The following HSD17B12 variants were observed in gnomAD, a reference collection of about 807,000 sequenced individuals.
HSD17B12 encodes hydroxysteroid 17-beta dehydrogenase 12.
In HSD17B12, 32 loss-of-function variants were observed where a neutral mutation model predicts 39.3. That is an observed-to-expected ratio of 0.81 (90% CI 0.61 to 1.09). The LOEUF (loss-of-function observed/expected upper bound fraction) is 1.09, where lower values mean the gene tolerates loss of function less well. Among genes scored for constraint, HSD17B12 ranks in the 50% least tolerant of loss-of-function variants. HSD17B12 has a pLI of 0.00. For synonymous variants in HSD17B12, 150 were observed against 146.7 expected, an observed-to-expected ratio of 1.02 and a Z score of -0.16; for missense variants, 342 against 382.9, an observed-to-expected ratio of 0.89 and a Z score of 0.89.
At chr11:43,665,773 GCACA>G in the HSD17B12 span, among the ~76,000 whole-genome samples, 3 of 150,218 alleles carry the variant, frequency 2.0e-5, no homozygotes, top group Admixed American at 6.6e-5. Context: ...ACACGCGCAT[GCACA>G]CACACACACA....
the HSD17B12 span, among the ~76,000 whole-genome samples, chr11:43,581,780 G>T: frequency 6.6e-6 from 1 of 152,166 alleles, no homozygotes; most frequent in Non-Finnish European, 1.5e-5. This position sits in a 1 kb window ranked among gnomAD's most constrained non-coding sequence, Gnocchi z 4.9. Flanking sequence ...CAGAAGTTGT[G>T]TCTTCCCCCC....
At chr11:43,604,890 A>G in the HSD17B12 span, among the ~76,000 whole-genome samples, 1 of 152,252 alleles carries the variant, frequency 6.6e-6, no homozygotes, top group Non-Finnish European at 1.5e-5. Flanking sequence ...AAGTCAAGTT[A>G]CAACTGCCCT....
At chr11:43,557,858 T>G in the HSD17B12 span, among the ~76,000 whole-genome samples, 1 of 151,484 alleles carries the variant, frequency 6.6e-6, no homozygotes, top group African/African-American at 2.4e-5. Flanking sequence ...GAGGGGCTGG[T>G]GCTGTAACGG....
the HSD17B12 span, among the ~76,000 whole-genome samples, chr11:43,611,830 A>G: frequency 6.6e-6 from 1 of 152,168 alleles, no homozygotes; most frequent in South Asian, 2.1e-4. Flanking sequence ...GCAAATTTTC[A>G]CCATTTCAGA....
At chr11:43,767,610 T>C (rs1950606870) in intron 3 of HSD17B12, among the ~76,000 whole-genome samples, 1 of 152,214 alleles carries the variant, frequency 6.6e-6, no homozygotes, top group Admixed American at 6.5e-5. Context: ...TTAAAATAAC[T>C]ACAAACCAAT....
intron 3 of HSD17B12, among the ~76,000 whole-genome samples, chr11:43,797,170 A>T (rs942887074): frequency 1.3e-5 from 2 of 152,342 alleles, no homozygotes; most frequent in South Asian, 2.1e-4. Context: ...TTAGACAGAA[A>T]TCCTTTTAGG....
chr11:43,601,882 T>G, the HSD17B12 span, among the ~76,000 whole-genome samples: 1 of 152,242 alleles, frequency 6.6e-6, no homozygotes, highest in Non-Finnish European at 1.5e-5. Flanking sequence ...TTGGCTTGAC[T>G]TATCACCAGA....
chr11:43,677,568 T>C (rs962951381), upstream of HSD17B12, among the ~76,000 whole-genome samples: 3 of 152,196 alleles, frequency 2.0e-5, no homozygotes, highest in African/African-American at 7.2e-5. Flanking sequence ...ATTAGGTTTA[T>C]CTCCTAATGC....
intron 4 of HSD17B12, among the ~76,000 whole-genome samples, chr11:43,809,752 G>A (rs1329742481): frequency 6.6e-6 from 1 of 152,080 alleles, no homozygotes; most frequent in South Asian, 2.1e-4. Flanking sequence ...CCCAGGAGAC[G>A]GATTGCAGTG....
At chr11:43,763,505 GA>G (rs1215124689) in intron 3 of HSD17B12, among the ~76,000 whole-genome samples, 1 of 151,412 alleles carries the variant, frequency 6.6e-6, no homozygotes, top group Non-Finnish European at 1.5e-5. Context: ...TATTCTCAAA[GA>G]TCAATTTTCT....
chr11:43,754,435 G>T (rs144026596), intron 3 of HSD17B12, among the ~76,000 whole-genome samples: 2 of 152,150 alleles, frequency 1.3e-5, no homozygotes, highest in South Asian at 2.1e-4. Flanking sequence ...AATTAGCCGG[G>T]TATGGTGGCG....
intron 1 of HSD17B12, among the ~76,000 whole-genome samples, chr11:43,746,936 G>C (rs1347643431): frequency 6.6e-6 from 1 of 152,194 alleles, no homozygotes; most frequent in Non-Finnish European, 1.5e-5. Flanking sequence ...GCTGCTGACT[G>C]TATGTGGTTT....
chr11:43,614,437 C>G, the HSD17B12 span, among the ~76,000 whole-genome samples: 2 of 152,108 alleles, frequency 1.3e-5, no homozygotes, highest in Non-Finnish European at 2.9e-5. Flanking sequence ...CTTTTCTTCC[C>G]CCCATAGCAC....
intron 1 of HSD17B12, among the ~76,000 whole-genome samples, chr11:43,743,803 T>C (rs1186722054): frequency 6.6e-6 from 1 of 152,176 alleles, no homozygotes; most frequent in Non-Finnish European, 1.5e-5. Context: ...CTCTAATCGA[T>C]ATTTTAATGC....
At chr11:43,751,608 T>G (rs1047194382) in intron 2 of HSD17B12, among the ~76,000 whole-genome samples, 1 of 152,218 alleles carries the variant, frequency 6.6e-6, no homozygotes, top group Non-Finnish European at 1.5e-5. Context: ...CTATTTATCA[T>G]TCTCAAAAGG....
At chr11:43,687,436 A>G (rs10734516) in intron 1 of HSD17B12, among the ~76,000 whole-genome samples, 143,520 of 152,284 alleles carry the variant, frequency 0.94, 68,214 homozygotes, top group Middle Eastern at 1. Context: ...GAGAACAGGA[A>G]GTATTTGGTC....
At chr11:43,677,482 T>A (rs1157571455), upstream of HSD17B12, among the ~76,000 whole-genome samples, 3 of 152,182 alleles carry the variant, frequency 2.0e-5, no homozygotes, top group Non-Finnish European at 4.4e-5. Context: ...AGGGTACATG[T>A]CCACAATGTG....
At chr11:43,714,981 T>C (rs1306299349) in intron 1 of HSD17B12, among the ~76,000 whole-genome samples, 1 of 152,214 alleles carries the variant, frequency 6.6e-6, no homozygotes, top group Non-Finnish European at 1.5e-5. Flanking sequence ...TTTTGTATCC[T>C]GAGACTTTGC....
Position 43,680,848 on chromosome 11 carries a change from C to T in HSD17B12, c.21C>T (p.Ala7=), listed in dbSNP as rs761140975. ...AAGCCATGGAGAGCGCTCTCCCCGC[C>T]GCCGGCTTCCTGTACTGGGTCGGCG... MESALP[A]AGFLYWVGAG... is the part of the protein sequence containing the mutation. Residue 7 remains alanine, a synonymous_variant, in exon 1 of 11, where the codon GCC becomes GCT. Coordinates refer to ENST00000278353, the MANE Select transcript of HSD17B12 (RefSeq NM_016142.3). 1 of 1,614,134 alleles carries T rather than the reference C, an allele frequency of 6.2e-7. No homozygotes were observed. The highest frequency in any genetic ancestry group is 8.5e-7 in the Non-Finnish European group (1 of 1,180,018).
Sources: allele counts gnomAD v4.1 joint callset (sites outside exome capture counted in the v4.1 genomes callset), GRCh38; gene constraint gnomAD v4.1.1; non-coding constraint Gnocchi (gnomAD v3.1); transcripts MANE v1.5; gene names NCBI Gene and HGNC (gene_info 2026-07-23, HGNC 2026-07-21).